Variants in FBXL17 observed in about 807,000 individuals in gnomAD.
FBXL17 encodes F-box/LRR-repeat protein 17.
A neutral mutation model predicts 66.2 loss-of-function variants in FBXL17; 22 were observed. The ratio of observed to expected loss-of-function variants is 0.33; its 90% confidence interval spans 0.24 to 0.47. The LOEUF is 0.47. Ranked by LOEUF, FBXL17 falls within the 20% of genes least tolerant of loss-of-function variation. The probability of loss-of-function intolerance (pLI) is 1.00; values close to 1 mark genes in which losing one functional copy is unlikely to be tolerated. For missense variants in FBXL17, 878 were observed against 948.2 expected (o/e 0.93, Z 0.97); for synonymous variants, 474 against 400.5 (o/e 1.18, Z -2.19).
chr5:108,113,618 G>T lies in FBXL17; in HGVS notation c.1745+72499C>A, dbSNP rs1472031368. Reference sequence around the variant, plus strand: ...GACAGCTACTGAAGGACTCTCAGAGGCACCATTAAAAAGTAGTAAATCTCT... The same window carrying T: ...GACAGCTACTGAAGGACTCTCAGAGTCACCATTAAAAAGTAGTAAATCTCT... On this transcript the variant is annotated intron_variant, in intron 6 of 8. Transcript: ENST00000542267. Among the ~76,000 whole-genome samples, 12 of 152,080 alleles carry T rather than the reference G, an allele frequency of 7.9e-5. No individual in the cohort carries two copies. In the East Asian group the frequency reaches 2.3e-3, roughly 29 times the overall value.
chr5:108,222,462 T>C (rs1239363980), intron 5 of FBXL17, among the ~76,000 whole-genome samples: 1 of 152,184 alleles, frequency 6.6e-6, no homozygotes, highest in Non-Finnish European at 1.5e-5. Context: ...TACACTAAGA[T>C]GTTCTGATAC....
intron 4 of FBXL17, among the ~76,000 whole-genome samples, chr5:108,342,983 G>A (rs1400287627): frequency 6.6e-6 from 1 of 152,140 alleles, no homozygotes; most frequent in Non-Finnish European, 1.5e-5. Context: ...AATCATGAGG[G>A]CAGAGCCCTA....
chr5:107,887,679 A>T (rs531781781), intron 7 of FBXL17, among the ~76,000 whole-genome samples: 1 of 152,306 alleles, frequency 6.6e-6, no homozygotes, highest in African/African-American at 2.4e-5. Context: ...TGTTGCATTC[A>T]TGGTCCCTGC....
At chr5:108,030,379 G>A (rs924580023) in intron 6 of FBXL17, among the ~76,000 whole-genome samples, 2 of 152,142 alleles carry the variant, frequency 1.3e-5, no homozygotes, top group Admixed American at 6.6e-5. Context: ...AAGCAAGACA[G>A]TAAGTAAACA....
chr5:108,112,708 AG>A lies in FBXL17; in HGVS notation c.1745+73408del, dbSNP rs371584705. Among the ~76,000 whole-genome samples the A allele has an allele frequency of 4.8e-3, 730 of 151,804 alleles. 11 individuals are homozygous for A. The highest frequency in any genetic ancestry group is 2.5e-3 in the South Asian group (12 of 4,748). ...TATTAAAATATATTACTGCTCAAGA[AG>A]GAGAAGGAATGCATGAACATGATCA... On this transcript the variant is annotated intron_variant, in intron 6 of 8. Coordinates refer to ENST00000542267, the MANE Select transcript of FBXL17 (RefSeq NM_001163315.3).
At chr5:107,978,621 C>T (rs1314267210) in intron 7 of FBXL17, among the ~76,000 whole-genome samples, 1 of 152,020 alleles carries the variant, frequency 6.6e-6, no homozygotes, top group Middle Eastern at 3.2e-3. Flanking sequence ...TGTCTATGGC[C>T]CTGACCCAGA....
At chr5:108,101,767 C>A (rs541388652) in intron 6 of FBXL17, among the ~76,000 whole-genome samples, 2 of 152,174 alleles carry the variant, frequency 1.3e-5, no homozygotes, top group African/African-American at 4.8e-5. Context: ...TTTTAATTAC[C>A]ACCTACACTA....
chr5:108,035,898 CT>C (rs764362141), intron 6 of FBXL17, among the ~76,000 whole-genome samples: 9 of 152,254 alleles, frequency 5.9e-5, no homozygotes, highest in Admixed American at 2.0e-4. Context: ...AATATGGTTC[CT>C]TTTCCCTCTA....
At chr5:108,344,521 A>G (rs1747123734) in intron 4 of FBXL17, among the ~76,000 whole-genome samples, 2 of 152,106 alleles carry the variant, frequency 1.3e-5, no homozygotes, top group South Asian at 4.1e-4. Flanking sequence ...ACACACACAT[A>G]ACGCATACAG....
At chr5:107,962,104 ATATC>A (rs1376286651) in intron 7 of FBXL17, among the ~76,000 whole-genome samples, 2 of 152,126 alleles carry the variant, frequency 1.3e-5, no homozygotes, top group Non-Finnish European at 2.9e-5. Flanking sequence ...TAAAAATAAA[ATATC>A]TATACAATTT....
At chr5:108,127,834 T>A (rs1362642782) in intron 6 of FBXL17, among the ~76,000 whole-genome samples, 1 of 152,202 alleles carries the variant, frequency 6.6e-6, no homozygotes, top group Non-Finnish European at 1.5e-5. Flanking sequence ...TATGTATAAA[T>A]CCATCCAAAC....
intron 7 of FBXL17, among the ~76,000 whole-genome samples, chr5:107,893,674 C>A (rs1749277476): frequency 6.6e-6 from 1 of 152,012 alleles, no homozygotes; most frequent in South Asian, 2.1e-4. Flanking sequence ...TAAATGTCAC[C>A]AAGTGATTTT....
In FBXL17 at chr5:108,241,327, CAG is replaced by C. The variant is rs536014468; in HGVS notation, c.1507-17101_1507-17100del. 1.1e-3 allele frequency among the ~76,000 whole-genome samples: 165 copies of C among 152,132 alleles called. 4 individuals are homozygous for C. In the South Asian group the frequency reaches 0.033, roughly 31 times the overall value. On this transcript the variant is annotated intron_variant, in intron 4 of 8. Coordinates refer to ENST00000542267, the MANE Select transcript of FBXL17 (RefSeq NM_001163315.3). ...CTAAAATATATTTTTTTAAATTGAG[CAG>C]AAATTCTGGAGCTGAAAAATGCAAT... is the stretch of plus-strand genomic sequence containing the variant.
chr5:108,253,978 AAAG>A (rs1756469594), intron 4 of FBXL17, among the ~76,000 whole-genome samples: 1 of 152,128 alleles, frequency 6.6e-6, no homozygotes, highest in Admixed American at 6.6e-5. Context: ...TGTCTCAAAA[AAAG>A]AAAAGAAAAG....
intron 7 of FBXL17, among the ~76,000 whole-genome samples, chr5:107,930,733 T>G (rs1403509512): frequency 6.6e-6 from 1 of 152,248 alleles, no homozygotes; most frequent in Non-Finnish European, 1.5e-5. Flanking sequence ...ATATTTCATT[T>G]TGTTGTGTTA....
intron 6 of FBXL17, among the ~76,000 whole-genome samples, chr5:108,094,320 T>G (rs978480433): frequency 6.6e-6 from 1 of 152,182 alleles, no homozygotes; most frequent in Non-Finnish European, 1.5e-5. Flanking sequence ...ATTATGTATC[T>G]TTGTATACCT....
chr5:108,039,683 C>A (rs548753879), intron 6 of FBXL17, among the ~76,000 whole-genome samples: 2 of 152,074 alleles, frequency 1.3e-5, no homozygotes, highest in African/African-American at 4.8e-5. Context: ...AGCTCAAGCA[C>A]AATTCTGAGT....
intron 7 of FBXL17, among the ~76,000 whole-genome samples, chr5:107,996,507 G>A (rs1207194224): frequency 1.3e-5 from 2 of 152,150 alleles, no homozygotes; most frequent in African/African-American, 4.8e-5. Flanking sequence ...TAGAGACAAG[G>A]TTTTGCCACG....
intron 6 of FBXL17, among the ~76,000 whole-genome samples, chr5:108,156,298 A>G (rs979349860): frequency 2.0e-5 from 3 of 152,010 alleles, no homozygotes; most frequent in African/African-American, 7.2e-5. Flanking sequence ...ATACATATAT[A>G]TATATACTTG....
Sources: gnomAD v4.1 joint callset for allele counts (sites outside exome capture counted in the v4.1 genomes callset) on GRCh38, gnomAD v4.1.1 for gene constraint, MANE v1.5 for transcripts, NCBI Gene and HGNC (gene_info 2026-07-23, HGNC 2026-07-21) for gene names.